GRIK1: variants seen among roughly 807,000 people sequenced by gnomAD.
The protein encoded by GRIK1 is glutamate receptor ionotropic, kainate 1.
In GRIK1, 69 loss-of-function variants were observed where a neutral mutation model predicts 105.7. The observed-to-expected ratio is 0.65, with a 90% CI of 0.54 to 0.80. GRIK1 has a LOEUF of 0.80. Ranked by LOEUF, GRIK1 falls within the 30% of genes least tolerant of loss-of-function variation. The pLI is 0.00. For synonymous variants in GRIK1, 438 were observed against 431.3 expected (o/e 1.02, Z -0.19); for missense variants, 1,109 against 1,167.3 (o/e 0.95, Z 0.73).
At chr21:29,671,254 C>G (rs896749154) in intron 4 of GRIK1, among the ~76,000 whole-genome samples, 1 of 152,098 alleles carries the variant, frequency 6.6e-6, no homozygotes, top group Non-Finnish European at 1.5e-5. Flanking sequence ...TCCCATGTAG[C>G]TGGGATTACA....
intron 1 of GRIK1, among the ~76,000 whole-genome samples, chr21:29,852,328 C>T (rs2068333327): frequency 2.0e-5 from 3 of 152,320 alleles, no homozygotes; most frequent in South Asian, 4.1e-4. Context: ...ATCTGAGTAA[C>T]TTGGGCACCT....
Position 29,705,133 on chromosome 21 carries a change from A to G in GRIK1, c.119-11070T>C, listed in dbSNP as rs542038175. On this transcript the variant is annotated intron_variant, in intron 1 of 17. Transcript: ENST00000327783. ...CAATTTTCTAGTTTTCTTCTTCTGTATTTCTGTTGTTTCTCAACCTGAAAT... is the reference window on the plus strand; with the variant it reads ...CAATTTTCTAGTTTTCTTCTTCTGTGTTTCTGTTGTTTCTCAACCTGAAAT... 2.7e-3 allele frequency among the ~76,000 whole-genome samples: 407 copies of G among 152,294 alleles called. 4 individuals carry two copies. Among genetic ancestry groups the G allele is most frequent in the African/African-American group, 9.5e-3 (394 of 41,566 alleles).
intron 1 of GRIK1, among the ~76,000 whole-genome samples, chr21:29,772,094 A>C (rs73358406): frequency 0.013 from 1,919 of 152,304 alleles, 42 homozygotes; most frequent in African/African-American, 0.044. Context: ...AAAACAAATT[A>C]ATTCCTTTTG....
intron 1 of GRIK1, among the ~76,000 whole-genome samples, chr21:29,783,044 C>T (rs976587645): frequency 6.6e-6 from 1 of 152,196 alleles, no homozygotes; most frequent in African/African-American, 2.4e-5. Flanking sequence ...TAGCCCCCAA[C>T]ACAACACATT....
chr21:29,601,838 T>A (rs2061524548), intron 7 of GRIK1, among the ~76,000 whole-genome samples: 1 of 152,252 alleles, frequency 6.6e-6, no homozygotes, highest in Admixed American at 6.5e-5. Context: ...CTAATTATCT[T>A]ACTAAATTGT....
chr21:29,924,062 G>A (rs463751), intron 1 of GRIK1, among the ~76,000 whole-genome samples: 38,074 of 152,004 alleles, frequency 0.25, 5,937 homozygotes, highest in African/African-American at 0.44. Flanking sequence ...GGTTAAGGCC[G>A]GGCGCGGTGG....
intron 4 of GRIK1, among the ~76,000 whole-genome samples, chr21:29,669,643 C>A (rs748405678): frequency 2.0e-5 from 3 of 152,098 alleles, no homozygotes; most frequent in African/African-American, 7.2e-5. Flanking sequence ...CCTGTCTGAG[C>A]GTCAGTTGCC....
intron 1 of GRIK1, among the ~76,000 whole-genome samples, chr21:29,695,433 T>C (rs1274961913): frequency 1.3e-5 from 2 of 148,932 alleles, no homozygotes; most frequent in East Asian, 2.0e-4. Flanking sequence ...TATATCTATA[T>C]CAATATCTAT....
rs111576498 is a variant in GRIK1 at position 29,800,655 on chromosome 21, C to A, written c.119-106592G>T. ...ATAAAGTTAATGAAACAAACCAACC[C>A]GTTCACGCATTAGGCTTTTGATGAA... On this transcript the variant is annotated intron_variant, in intron 1 of 17. Coordinates refer to ENST00000327783, the MANE Select transcript of GRIK1 (RefSeq NM_001330994.2). Among the ~76,000 whole-genome samples the A allele has an allele frequency of 3.7e-3, 565 of 152,296 alleles. 1 individual carries two copies. Among genetic ancestry groups the A allele is most frequent in the African/African-American group, 0.012 (513 of 41,576 alleles).
intron 1 of GRIK1, among the ~76,000 whole-genome samples, chr21:29,707,553 T>C (rs563910007): frequency 9.3e-5 from 14 of 151,076 alleles, no homozygotes; most frequent in Non-Finnish European, 2.1e-4. Context: ...TGGAGTGCAA[T>C]GGCACTACCT....
intron 1 of GRIK1, among the ~76,000 whole-genome samples, chr21:29,699,544 T>A (rs1364241010): frequency 6.6e-6 from 1 of 152,188 alleles, no homozygotes. Flanking sequence ...TGAGAGAAAT[T>A]AAGTGTCTGT....
At chr21:29,923,802 A>G (rs2071266011) in intron 1 of GRIK1, among the ~76,000 whole-genome samples, 1 of 152,208 alleles carries the variant, frequency 6.6e-6, no homozygotes, top group Non-Finnish European at 1.5e-5. Context: ...CCCGTTAGAT[A>G]AAATAGGCTT....
intron 1 of GRIK1, among the ~76,000 whole-genome samples, chr21:29,936,578 A>T (rs1200442011): frequency 2.0e-5 from 3 of 152,202 alleles, no homozygotes; most frequent in African/African-American, 7.2e-5. Context: ...TCTTCTATGC[A>T]AGCTGCTGGG....
intron 1 of GRIK1, among the ~76,000 whole-genome samples, chr21:29,899,883 T>C (rs896318167): frequency 2.6e-5 from 4 of 152,128 alleles, no homozygotes; most frequent in African/African-American, 4.8e-5. Flanking sequence ...CATGCCCAAC[T>C]AAATGCTTAT....
Position 29,867,854 on chromosome 21 carries a change from GAGAA to G in GRIK1, c.118+71525_118+71528del, listed in dbSNP as rs1274173158. 4.2e-5 allele frequency among the ~76,000 whole-genome samples: 4 copies of G among 95,194 alleles called. No homozygotes were observed. In the Admixed American group the frequency reaches 5.4e-4, roughly 13 times the overall value. The allele number at this position is 95,194 out of a possible 152,430, so 62.5% of individuals were successfully genotyped here. A position where few individuals can be genotyped will look rare whatever the true frequency, so the allele number is the denominator to read the frequency against. ...AAAGAAAGAAAGAAGGAAGGAAAGA[GAGAA>G]AGAGAGAGAAAGAGAGAAAGAGAGA... is the stretch of plus-strand genomic sequence containing the variant. On this transcript the variant is annotated intron_variant, in intron 1 of 17. Transcript: ENST00000327783.
rs73350419 is a variant in GRIK1, at chr21:29,606,073, A to G, written c.1099-7136T>C. ...TCTTTGTCATGGTGGCCATAGTACA[A>G]TAGCCTCATCCAAGGGTGATTTGAT... On this transcript the variant is annotated intron_variant, in intron 7 of 17. Transcript: ENST00000327783. Among the ~76,000 whole-genome samples the G allele has an allele frequency of 4.4e-3, 670 of 151,976 alleles. 8 individuals are homozygous for G. Among genetic ancestry groups the G allele is most frequent in the African/African-American group, 0.015 (642 of 41,488 alleles).
chr21:29,762,758 C>T (rs958224000), intron 1 of GRIK1, among the ~76,000 whole-genome samples: 1 of 152,170 alleles, frequency 6.6e-6, no homozygotes, highest in African/African-American at 2.4e-5. Flanking sequence ...ACTGCAGAGT[C>T]ATGCTTTTCT....
chr21:29,714,018 A>G (rs139154164), intron 1 of GRIK1, among the ~76,000 whole-genome samples: 1 of 152,330 alleles, frequency 6.6e-6, no homozygotes, highest in Non-Finnish European at 1.5e-5. Flanking sequence ...AACTGGATGA[A>G]TAAATGAGTG....
intron 1 of GRIK1, among the ~76,000 whole-genome samples, chr21:29,729,993 C>T (rs143408218): frequency 9.6e-4 from 146 of 152,264 alleles, no homozygotes; most frequent in Middle Eastern, 3.4e-3. Flanking sequence ...TGCATGACTT[C>T]GACACTATTA....
Sources: gnomAD v4.1 joint callset for allele counts (sites outside exome capture counted in the v4.1 genomes callset) on GRCh38, gnomAD v4.1.1 for gene constraint, MANE v1.5 for transcripts, NCBI Gene and HGNC (gene_info 2026-07-23, HGNC 2026-07-21) for gene names.